LPP: variants seen among roughly 807,000 people sequenced by gnomAD.
LPP encodes lipoma-preferred partner.
A neutral mutation model predicts 60.4 loss-of-function variants in LPP; 38 were observed. That is an observed-to-expected ratio of 0.63 (90% CI 0.49 to 0.83). The LOEUF (loss-of-function observed/expected upper bound fraction) is 0.83. Among genes scored for constraint, LPP ranks in the 40% least tolerant of loss-of-function variants. The pLI, the probability that LPP is intolerant of heterozygous loss-of-function variation, is 0.00. For missense variants in LPP, 902 were observed against 783.6 expected, an observed-to-expected ratio of 1.15 and a Z score of -1.80; for synonymous variants, 328 against 290.8, an observed-to-expected ratio of 1.13 and a Z score of -1.30.
intron 1 of LPP, among the ~76,000 whole-genome samples, chr3:188,222,918 T>A (rs1001523743): frequency 2.6e-5 from 4 of 152,006 alleles, no homozygotes; most frequent in African/African-American, 9.7e-5. Flanking sequence ...TATATTTTCT[T>A]AAAAAAAATA....
chr3:188,321,060 G>C (rs144053869), intron 2 of LPP, among the ~76,000 whole-genome samples: 1 of 152,312 alleles, frequency 6.6e-6, no homozygotes, highest in African/African-American at 2.4e-5. Context: ...ACAGTGTCCT[G>C]CAGTCTCTTG....
intron 6 of LPP, among the ~76,000 whole-genome samples, chr3:188,566,147 A>C (rs1832086875): frequency 6.6e-6 from 1 of 151,976 alleles, no homozygotes; most frequent in Non-Finnish European, 1.5e-5. Context: ...AAAAATTTGA[A>C]AATTATACAG....
intron 2 of LPP, among the ~76,000 whole-genome samples, chr3:188,332,978 A>G (rs946124675): frequency 8.7e-5 from 13 of 149,180 alleles, no homozygotes; most frequent in African/African-American, 3.3e-4. Flanking sequence ...AAGCATCAGA[A>G]TCAACAGAAT....
At chr3:188,527,685 A>G (rs1011550626) in intron 6 of LPP, among the ~76,000 whole-genome samples, 6 of 151,982 alleles carry the variant, frequency 3.9e-5, no homozygotes, top group African/African-American at 1.4e-4. Flanking sequence ...ATCTGAAGAC[A>G]GGAAGGCCAC....
intron 9 of LPP, among the ~76,000 whole-genome samples, chr3:188,791,077 TG>T: frequency 6.6e-6 from 1 of 152,258 alleles, no homozygotes; most frequent in Middle Eastern, 3.4e-3. Flanking sequence ...GACTTACCTG[TG>T]GCTTTTCTTG....
intron 9 of LPP, among the ~76,000 whole-genome samples, chr3:188,779,196 A>G (rs981569160): frequency 2.0e-5 from 3 of 152,132 alleles, no homozygotes; most frequent in African/African-American, 7.2e-5. Context: ...GTTTGGAGTA[A>G]TTTGCCACCT....
At chr3:188,308,085 C>G (rs900335219) in intron 2 of LPP, among the ~76,000 whole-genome samples, 1 of 152,156 alleles carries the variant, frequency 6.6e-6, no homozygotes, top group African/African-American at 2.4e-5. Flanking sequence ...CAGGCCCCCT[C>G]AGAATTCAGG....
intron 2 of LPP, among the ~76,000 whole-genome samples, chr3:188,243,559 C>T (rs928862491): frequency 1.2e-4 from 19 of 152,284 alleles, no homozygotes; most frequent in African/African-American, 3.6e-4. Context: ...TCTAAAATCT[C>T]GTGATCTGTT....
At chr3:188,814,132 C>T (rs899550458) in intron 9 of LPP, among the ~76,000 whole-genome samples, 5 of 152,190 alleles carry the variant, frequency 3.3e-5, no homozygotes, top group East Asian at 3.9e-4. Flanking sequence ...CACACACACA[C>T]GTCTATTTAG....
At chr3:188,705,739 C>T (rs892885597) in intron 7 of LPP, among the ~76,000 whole-genome samples, 1 of 152,032 alleles carries the variant, frequency 6.6e-6, no homozygotes, top group Admixed American at 6.6e-5. Context: ...GCCCCAGCCT[C>T]CTGAGTAGCT....
intron 2 of LPP, among the ~76,000 whole-genome samples, chr3:188,235,130 G>T (rs1485969854): frequency 2.0e-5 from 3 of 152,168 alleles, no homozygotes; most frequent in Non-Finnish European, 4.4e-5. Flanking sequence ...AGTGCTTAGT[G>T]TAAAGAAGAA....
intron 4 of LPP, among the ~76,000 whole-genome samples, chr3:188,480,987 C>A (rs1038063469): frequency 3.9e-5 from 6 of 152,166 alleles, no homozygotes; most frequent in African/African-American, 1.4e-4. Flanking sequence ...AAATACAGTT[C>A]TTTTCATTTT....
intron 3 of LPP, among the ~76,000 whole-genome samples, chr3:188,378,949 TG>T (rs1776091765): frequency 6.6e-6 from 1 of 152,156 alleles, no homozygotes; most frequent in Admixed American, 6.5e-5. Flanking sequence ...ATTGGATTCC[TG>T]GGGGTGAGAA....
chr3:188,871,573 AT>A (rs1347812983), intron 10 of LPP, among the ~76,000 whole-genome samples: 2 of 152,210 alleles, frequency 1.3e-5, no homozygotes, highest in Non-Finnish European at 2.9e-5. Context: ...GATTATTATC[AT>A]TATTTCTTTT....
chr3:188,756,787 A>T (rs1275621345), intron 8 of LPP, among the ~76,000 whole-genome samples: 2 of 152,182 alleles, frequency 1.3e-5, no homozygotes, highest in East Asian at 3.9e-4. Flanking sequence ...GAATAGAAAA[A>T]ATAATGAGAG....
At chr3:188,633,027 G>C (rs1267663640) in intron 7 of LPP, among the ~76,000 whole-genome samples, 1 of 152,154 alleles carries the variant, frequency 6.6e-6, no homozygotes, top group African/African-American at 2.4e-5. Context: ...GAAAGTTGTT[G>C]GCCAGCCATC....
chr3:188,289,451 G>C (rs1199083254), intron 2 of LPP, among the ~76,000 whole-genome samples: 1 of 152,140 alleles, frequency 6.6e-6, no homozygotes, highest in Non-Finnish European at 1.5e-5. Flanking sequence ...CTTATGTGAT[G>C]TTCACTCTTG....
At chr3:188,443,977 G>A (rs1463930804) in intron 4 of LPP, among the ~76,000 whole-genome samples, 1 of 152,182 alleles carries the variant, frequency 6.6e-6, no homozygotes, top group East Asian at 1.9e-4. Flanking sequence ...TATAAAGAAT[G>A]TACTTTTAGT....
chr3:188,367,233 A>G (rs547831615), intron 3 of LPP, among the ~76,000 whole-genome samples: 2 of 149,716 alleles, frequency 1.3e-5, no homozygotes, highest in Admixed American at 6.7e-5. Flanking sequence ...GAATAGTTAG[A>G]AAAAAAAAAG....
Sources: allele counts gnomAD v4.1 joint callset (sites outside exome capture counted in the v4.1 genomes callset), GRCh38; gene constraint gnomAD v4.1.1; transcripts MANE v1.5; gene names NCBI Gene and HGNC (gene_info 2026-07-23, HGNC 2026-07-21).